CCR5AS: variants seen among roughly 807,000 people sequenced by gnomAD.
CCR5AS encodes CCR5 antisense RNA.
At chr3:46,372,751 G>T in intron 2 of CCR5AS, 1 of 600,190 alleles carries the variant, frequency 1.7e-6, no homozygotes, top group Non-Finnish European at 2.8e-6. Context: ...TTCATTGCTT[G>T]GCCAAAAAGA....
chr3:46,396,179 T>C (rs1701960453), intron 1 of CCR5AS, among the ~76,000 whole-genome samples: 1 of 152,194 alleles, frequency 6.6e-6, no homozygotes, highest in Admixed American at 6.5e-5. Context: ...AATTTTTACC[T>C]CTATTCATAA....
Position 46,372,885 on chromosome 3 carries a change from T to G in CCR5AS, n.392-1468A>C, listed in dbSNP as rs771917529. 60 of 1,534,870 alleles carry G rather than the reference T, an allele frequency of 3.9e-5. No individual in the cohort carries two copies. In the Admixed American group the frequency reaches 1.2e-3, roughly 31 times the overall value. On this transcript the variant is annotated intron_variant and non_coding_transcript_variant, in intron 2 of 3. Coordinates refer to ENST00000451485, the Ensembl canonical transcript of CCR5AS. ...TTTATAAAAGATCACTTTTTATTTA[T>G]GCACAGGGTGGAACAAGATGGATTA...
Position 46,373,045 on chromosome 3 carries a change from A to G in CCR5AS, n.392-1628T>C, listed in dbSNP as rs531662647. ...GTGTTCATCTTTGGTTTTGTGGGCA[A>G]CATGCTGGTCATCCTCATCCTGATA... On this transcript the variant is annotated intron_variant and non_coding_transcript_variant, in intron 2 of 3. Coordinates refer to ENST00000451485, the Ensembl canonical transcript of CCR5AS. 34 of 1,614,142 alleles carry G rather than the reference A, an allele frequency of 2.1e-5. No individual in the cohort carries two copies. The South Asian group carries it at 3.6e-4, about 17-fold the overall frequency.
At chr3:46,391,074 T>C (rs1439164016) in intron 2 of CCR5AS, among the ~76,000 whole-genome samples, 2 of 152,220 alleles carry the variant, frequency 1.3e-5, no homozygotes, top group Non-Finnish European at 2.9e-5. Flanking sequence ...TCAGAGAGCC[T>C]TGGGCCAGAG....
At chr3:46,389,712 G>A (rs1484876066) in intron 2 of CCR5AS, among the ~76,000 whole-genome samples, 2 of 152,116 alleles carry the variant, frequency 1.3e-5, no homozygotes, top group Non-Finnish European at 2.9e-5. Flanking sequence ...TGGTCTATGG[G>A]ATTAGTTAAA....
intron 1 of CCR5AS, among the ~76,000 whole-genome samples, chr3:46,400,121 G>A (rs1449140254): frequency 2.6e-5 from 4 of 151,958 alleles, no homozygotes; most frequent in South Asian, 4.1e-4. Context: ...AGCCTCCCGG[G>A]CCTGGGACTA....
At chr3:46,392,664 C>T (rs1701923055) in intron 2 of CCR5AS, among the ~76,000 whole-genome samples, 1 of 152,200 alleles carries the variant, frequency 6.6e-6, no homozygotes. Flanking sequence ...CAAAGGAAGG[C>T]TGTCTTCCCA....
intron 2 of CCR5AS, among the ~76,000 whole-genome samples, chr3:46,384,859 A>T (rs544364104): frequency 0.069 from 17 of 246 alleles, no homozygotes; most frequent in African/African-American, 0.083. Flanking sequence ...CATAGATGAT[A>T]GATAGATAGA....
At chr3:46,373,027 T>TC in intron 2 of CCR5AS, 1 of 1,614,132 alleles carries the variant, frequency 6.2e-7, no homozygotes, top group Non-Finnish European at 8.5e-7. Flanking sequence ...CTGGTGTTCA[T>TC]CTTTGGTTTT....
chr3:46,378,143 T>C (rs11575818), intron 2 of CCR5AS, among the ~76,000 whole-genome samples: 9,123 of 152,262 alleles, frequency 0.06, 899 homozygotes, highest in African/African-American at 0.21. Flanking sequence ...CGTGAAAACA[T>C]TTCGATAGCT....
intron 1 of CCR5AS, among the ~76,000 whole-genome samples, chr3:46,406,067 G>T: frequency 6.6e-6 from 1 of 152,040 alleles, no homozygotes; most frequent in Non-Finnish European, 1.5e-5. Flanking sequence ...ATAGATCCGG[G>T]ATCTCACTAT....
At chr3:46,390,321 C>T (rs1015956376) in intron 2 of CCR5AS, among the ~76,000 whole-genome samples, 2 of 152,010 alleles carry the variant, frequency 1.3e-5, no homozygotes, top group East Asian at 3.9e-4. Flanking sequence ...GGGTTTGGCA[C>T]TATAGGATGG....
At position 46,366,050 on chromosome 3, in the gene CCR5AS, G is replaced by A. The variant is rs566282550; in HGVS notation, n.566-1005C>T. On this transcript the variant is annotated intron_variant and non_coding_transcript_variant, in intron 3 of 3. Transcript: ENST00000451485. ...GCTTTGAGGAGAGATGCCCTCACTC[G>A]CTTCCCCACCAATCCTGCCCACTTC... Among the ~76,000 whole-genome samples the A allele has an allele frequency of 1.3e-4, 20 of 152,240 alleles. No individual in the cohort carries two copies. In the East Asian group the frequency reaches 1.4e-3, roughly 10 times the overall value.
At chr3:46,380,585 G>A (rs142050986) in intron 2 of CCR5AS, among the ~76,000 whole-genome samples, 4 of 152,170 alleles carry the variant, frequency 2.6e-5, no homozygotes, top group South Asian at 2.1e-4. Flanking sequence ...CTCTGATGTC[G>A]TGGGTCTGGA....
intron 2 of CCR5AS, among the ~76,000 whole-genome samples, chr3:46,387,893 G>A (rs931193201): frequency 2.0e-5 from 3 of 152,166 alleles, no homozygotes; most frequent in African/African-American, 7.2e-5. Context: ...GGGGTCACAA[G>A]GTGCTCAGTG....
intron 1 of CCR5AS, among the ~76,000 whole-genome samples, chr3:46,406,112 G>A (rs1380861163): frequency 1.3e-5 from 2 of 152,152 alleles, no homozygotes; most frequent in African/African-American, 4.8e-5. Flanking sequence ...CTGGGCTCAA[G>A]CGACCCTCCC....
Position 46,406,478 on chromosome 3 carries a change from A to G in CCR5AS, n.163+419T>C, listed in dbSNP as rs1702048824. On this transcript the variant is annotated intron_variant and non_coding_transcript_variant, in intron 1 of 3. Coordinates refer to ENST00000451485, the Ensembl canonical transcript of CCR5AS. ...CCCACAGCCTCCTCCCACCATTCCA[A>G]ATCTGGGCTGTTCTCTCAATTTCCT... Among the ~76,000 whole-genome samples, 4 of 151,158 alleles carry G rather than the reference A, an allele frequency of 2.6e-5. No homozygotes were observed. The South Asian group carries it at 8.4e-4, about 32-fold the overall frequency.
At chr3:46,402,110 C>T (rs555734342) in intron 1 of CCR5AS, among the ~76,000 whole-genome samples, 23 of 152,246 alleles carry the variant, frequency 1.5e-4, no homozygotes, top group African/African-American at 5.5e-4. Context: ...CACTTTTTAG[C>T]ATACTGCGGA....
chr3:46,374,223 A>T (rs1469564632), intron 2 of CCR5AS: 6 of 333,290 alleles, frequency 1.8e-5, no homozygotes, highest in African/African-American at 1.3e-4. Flanking sequence ...GCATCAAGTT[A>T]TTGACAAACT....
Sources: allele counts gnomAD v4.1 joint callset (sites outside exome capture counted in the v4.1 genomes callset), GRCh38; gene constraint gnomAD v4.1.1; transcripts MANE v1.5; gene names NCBI Gene and HGNC (gene_info 2026-07-23, HGNC 2026-07-21).